The following ASH2L variants were observed in gnomAD, a reference collection of about 807,000 sequenced individuals.
ASH2L encodes the protein ASH2 like, histone lysine methyltransferase complex subunit.
ASH2L carries 30 observed loss-of-function variants against 81.1 expected under a neutral mutation model. The ratio of observed to expected loss-of-function variants is 0.37; its 90% confidence interval spans 0.28 to 0.50. The LOEUF (loss-of-function observed/expected upper bound fraction) is 0.50. Among genes scored for constraint, ASH2L ranks in the 20% least tolerant of loss-of-function variants. The probability of loss-of-function intolerance (pLI) is 0.95; values close to 1 mark genes in which losing one functional copy is unlikely to be tolerated. For missense variants in ASH2L, 559 were observed against 792.1 expected, an observed-to-expected ratio of 0.71 and a Z score of 3.53; for synonymous variants, 273 against 279.9, an observed-to-expected ratio of 0.98 and a Z score of 0.24.
At chr8:38,108,096 A>G (rs1040564021) in intron 3 of ASH2L, among the ~76,000 whole-genome samples, 1 of 152,146 alleles carries the variant, frequency 6.6e-6, no homozygotes, top group African/African-American at 2.4e-5. Context: ...CACCACACCC[A>G]GCTTTCCTTT....
At chr8:38,115,075 T>C in intron 7 of ASH2L, 75 bp downstream of exon 7, 2 of 973,482 alleles carry the variant, frequency 2.1e-6, no homozygotes, top group South Asian at 2.7e-5. Context: ...CTGTTTACAT[T>C]TGTATATTTG....
intron 7 of ASH2L, among the ~76,000 whole-genome samples, chr8:38,116,056 A>C (rs900950395): frequency 2.6e-5 from 4 of 151,720 alleles, no homozygotes; most frequent in Middle Eastern, 3.4e-3. Flanking sequence ...GCGAAACTCT[A>C]TCTCTAGTGA....
At chr8:38,112,003 A>C (rs910227075) in intron 5 of ASH2L, among the ~76,000 whole-genome samples, 1 of 152,160 alleles carries the variant, frequency 6.6e-6, no homozygotes, top group Non-Finnish European at 1.5e-5. Context: ...TCTCTAATCT[A>C]TTAATAAAAC....
chr8:38,114,595 A>G (rs923543707), intron 6 of ASH2L, among the ~76,000 whole-genome samples: 1 of 152,176 alleles, frequency 6.6e-6, no homozygotes, highest in Non-Finnish European at 1.5e-5. Context: ...ATTAAAAAAA[A>G]AGTTATAGGC....
rs377427495 is a variant in ASH2L at position 38,135,771 on chromosome 8, G to A, written c.1719+5G>A. 6 of 1,588,184 alleles carry A rather than the reference G, an allele frequency of 3.8e-6. No individual in the cohort carries two copies. The highest frequency in any genetic ancestry group is 4.3e-6 in the Non-Finnish European group (5 of 1,169,092). The stretch of plus-strand genomic sequence containing the variant: ...TCACTGTACAAGAGCTGCACGGTAC[G>A]TACATGTTTCCATCCCATGAGCAAA... On this transcript the variant is annotated splice_donor_5th_base_variant and intron_variant, in intron 14 of 15. Transcript: ENST00000343823.
chr8:38,123,575 C>T (rs1801716609), intron 10 of ASH2L, among the ~76,000 whole-genome samples: 1 of 152,128 alleles, frequency 6.6e-6, no homozygotes, highest in Admixed American at 6.6e-5. Context: ...GTGTTTGATG[C>T]CATTTTGGAT....
In ASH2L at chr8:38,110,927, A is replaced by G. The variant is rs891959510; in HGVS notation, c.585+94A>G. ...AACAAGTACTTTCTTCCCAGTTTTTATTGAATATATGACAGTGGATTCAGT... is the reference window on the plus strand; with the variant it reads ...AACAAGTACTTTCTTCCCAGTTTTTGTTGAATATATGACAGTGGATTCAGT... On this transcript the variant is annotated intron_variant, in intron 5 of 15. Transcript: ENST00000343823. The G allele has an allele frequency of 1.2e-5, 12 of 1,021,590 alleles. No homozygotes were observed. In the African/African-American group the frequency reaches 1.6e-4, roughly 14 times the overall value. 63.3% of individuals were successfully genotyped at this position (1,021,590 alleles called of 1,614,324 possible).
In ASH2L at chr8:38,139,262, G is replaced by C; in HGVS notation, c.*191G>C. Reference sequence around the variant, plus strand: ...CATTTTCTCCCCACTTCCAGTGACTGCTCTTATTTTGTGTACCATAAGCCA... The same window carrying C: ...CATTTTCTCCCCACTTCCAGTGACTCCTCTTATTTTGTGTACCATAAGCCA... On this transcript the variant is annotated 3_prime_UTR_variant, in exon 16 of 16. Coordinates refer to ENST00000343823, the MANE Select transcript of ASH2L (RefSeq NM_004674.5). 1 of 544,780 alleles carries C rather than the reference G, an allele frequency of 1.8e-6. No homozygotes were observed. The highest frequency in any genetic ancestry group is 3.3e-6 in the Non-Finnish European group (1 of 307,546). The allele number at this position is 544,780 out of a possible 1,614,324, so 33.7% of individuals were successfully genotyped here. A position where few individuals can be genotyped will look rare whatever the true frequency, so the allele number is the denominator to read the frequency against.
At chr8:38,105,512 G>T (rs910344040), upstream of ASH2L, 1 of 1,508,302 alleles carries the variant, frequency 6.6e-7, no homozygotes, top group Non-Finnish European at 8.9e-7. Context: ...GCGCGCGAGA[G>T]AAGAGAGTAT....
chr8:38,117,320 C>A, intron 8 of ASH2L: 2 of 381,958 alleles, frequency 5.2e-6, no homozygotes, highest in Non-Finnish European at 7.2e-6. Flanking sequence ...TCTTAAATAT[C>A]TGATCATTTC....
chr8:38,121,659 A>C (rs1328964132), intron 10 of ASH2L, among the ~76,000 whole-genome samples: 1 of 152,092 alleles, frequency 6.6e-6, no homozygotes, highest in Non-Finnish European at 1.5e-5. Context: ...TGACCATGAT[A>C]TTTTTAAGTG....
In ASH2L at chr8:38,128,918, A is replaced by T. The variant is rs1468796251; in HGVS notation, c.1494A>T (p.Thr498=). The change falls in exon 12 of 16, where the codon ACA becomes ACT. Residue 498 remains threonine, a synonymous_variant. Transcript: ENST00000343823. Reference sequence around the variant, plus strand: ...TTAATCTTCCTGAAGACACAGAGACAGCCAAGTCATTGCCAGACACATACA... The same window carrying T: ...TTAATCTTCCTGAAGACACAGAGACTGCCAAGTCATTGCCAGACACATACA... ...FYINLPEDTE[T]AKSLPDTYKD... 6.2e-7 allele frequency: 1 copy of T among 1,613,700 alleles called. No individual in the cohort carries two copies. Among genetic ancestry groups the T allele is most frequent in the Non-Finnish European group, 8.5e-7 (1 of 1,179,854 alleles).
chr8:38,126,198 A>G (rs530598593), intron 10 of ASH2L, among the ~76,000 whole-genome samples: 5 of 151,492 alleles, frequency 3.3e-5, no homozygotes, highest in South Asian at 2.1e-4. Context: ...GCAAGACTCT[A>G]TCTCCAAAAA....
chr8:38,109,814 T>TA lies in ASH2L; in HGVS notation c.402-564dup, dbSNP rs138294629. On this transcript the variant is annotated intron_variant, in intron 3 of 15. Coordinates refer to ENST00000343823, the MANE Select transcript of ASH2L (RefSeq NM_004674.5). ...AACCACATTATTGACACCATAGAGA[T>TA]ACACCTTAGACTACTTTGTCCTCTT... Among the ~76,000 whole-genome samples, 32 of 152,322 alleles carry TA rather than the reference T, an allele frequency of 2.1e-4. No individual in the cohort carries two copies. In the East Asian group the frequency reaches 6.2e-3, roughly 29 times the overall value.
intron 10 of ASH2L, among the ~76,000 whole-genome samples, chr8:38,123,063 T>A (rs1563256653): frequency 2.7e-5 from 4 of 146,216 alleles, no homozygotes; most frequent in African/African-American, 1.0e-4. Context: ...AATATGCACA[T>A]AAAGTAGTTT....
chr8:38,133,371 C>T, intron 12 of ASH2L, 83 bp from the exon 13 acceptor site: 1 of 895,466 alleles, frequency 1.1e-6, no homozygotes, highest in Non-Finnish European at 1.8e-6. Context: ...AAGGGGTTAA[C>T]ACTATTTGTG....
intron 12 of ASH2L, among the ~76,000 whole-genome samples, chr8:38,132,500 T>C (rs1802098587): frequency 6.6e-6 from 1 of 152,210 alleles, no homozygotes; most frequent in Non-Finnish European, 1.5e-5. Flanking sequence ...AATATTTTCA[T>C]AGAATAAGGG....
chr8:38,128,385 C>T lies in ASH2L; in HGVS notation c.1260C>T (p.Ala420=), dbSNP rs546046587. The T allele has an allele frequency of 4.3e-6, 7 of 1,614,098 alleles. 1 individual carries two copies. The highest frequency in any genetic ancestry group is 1.6e-4 in the Middle Eastern group (1 of 6,062). ...VRASHGVRKG[A]WYFEITVDEM... The stretch of plus-strand genomic sequence containing the variant: ...CCTCTCATGGAGTACGGAAAGGTGC[C>T]TGGTATTTTGAAATCACTGTGGATG... The change falls in exon 11 of 16, where the codon GCC becomes GCT. Residue 420 remains alanine, a synonymous_variant. Transcript: ENST00000343823.
At chr8:38,114,837 G>T in intron 6 of ASH2L, 68 bp from the exon 7 acceptor site, 1 of 1,035,414 alleles carries the variant, frequency 9.7e-7, no homozygotes, top group South Asian at 1.4e-5. Context: ...AGAGTTAGTG[G>T]TTGATTATTA....
Sources: allele counts gnomAD v4.1 joint callset (sites outside exome capture counted in the v4.1 genomes callset), GRCh38; gene constraint gnomAD v4.1.1; transcripts MANE v1.5; gene names NCBI Gene and HGNC (gene_info 2026-07-23, HGNC 2026-07-21).